CCDC178: variants seen among roughly 807,000 people sequenced by gnomAD.
CCDC178 encodes coiled-coil domain-containing protein 178.
CCDC178 carries 126 observed loss-of-function variants against 117.4 expected under a neutral mutation model. That is an observed-to-expected ratio of 1.07 (90% CI 0.93 to 1.24). The LOEUF is 1.24. CCDC178 is among the 50% of genes most tolerant of loss of function. The probability of loss-of-function intolerance (pLI) is 0.00; values close to 1 mark genes in which losing one functional copy is unlikely to be tolerated. For missense variants in CCDC178, 1,030 were observed against 986.9 expected (o/e 1.04, Z -0.59); for synonymous variants, 283 against 313.4 (o/e 0.90, Z 1.02).
chr18:33,174,996 C>A (rs188038785), intron 20 of CCDC178, among the ~76,000 whole-genome samples: 2,290 of 151,748 alleles, frequency 0.015, 32 homozygotes, highest in Admixed American at 0.038. Flanking sequence ...CTGGGAGTAC[C>A]GGTGCCTGCT....
intron 3 of CCDC178, among the ~76,000 whole-genome samples, chr18:33,399,849 T>G (rs1361103067): frequency 6.6e-6 from 1 of 152,200 alleles, no homozygotes; most frequent in Non-Finnish European, 1.5e-5. Context: ...GGTGTACACA[T>G]GTACACTTTC....
intron 11 of CCDC178, among the ~76,000 whole-genome samples, chr18:33,314,328 TA>T (rs945472772): frequency 1.3e-5 from 2 of 149,212 alleles, no homozygotes; most frequent in Non-Finnish European, 3.0e-5. Context: ...TCTCGGGATC[TA>T]AAAATTCAAT....
chr18:33,363,600 C>T (rs2063158698), intron 6 of CCDC178, among the ~76,000 whole-genome samples: 1 of 152,008 alleles, frequency 6.6e-6, no homozygotes, highest in Non-Finnish European at 1.5e-5. Context: ...TGTCTTCATT[C>T]TTCCCCTTTT....
chr18:32,998,724 T>C (rs1463322862), intron 21 of CCDC178, among the ~76,000 whole-genome samples: 1 of 152,122 alleles, frequency 6.6e-6, no homozygotes, highest in African/African-American at 2.4e-5. Context: ...AGACACAGCC[T>C]GGGCCAGAAA....
intron 11 of CCDC178, among the ~76,000 whole-genome samples, chr18:33,314,200 CAAAAAAA>C (rs869127341): frequency 3.5e-4 from 22 of 62,436 alleles, no homozygotes; most frequent in South Asian, 1.4e-3. Context: ...GACTCCGTCT[CAAAAAAA>C]AAAAAAAAAA....
intron 2 of CCDC178, among the ~76,000 whole-genome samples, chr18:33,422,967 G>C (rs1461298221): frequency 6.6e-6 from 1 of 152,050 alleles, no homozygotes; most frequent in Non-Finnish European, 1.5e-5. Context: ...TCTTATGCTA[G>C]CATCTCAGCA....
At position 33,416,427 on chromosome 18, in the gene CCDC178, G is replaced by GA. The variant is rs34095942; in HGVS notation, c.-22-4318dup. On this transcript the variant is annotated intron_variant, in intron 2 of 22. Transcript: ENST00000383096. ...GGGTGACAGAGCCAGACTCTGTCTC[G>GA]AAAAAAAAAAAAAGAAAAAAACTGC... Among the ~76,000 whole-genome samples, 317 of 141,352 alleles carry GA rather than the reference G, an allele frequency of 2.2e-3. 1 individual carries two copies. The highest frequency in any genetic ancestry group is 6.9e-3 in the African/African-American group (264 of 38,080). The allele number at this position is 141,352 out of a possible 152,430, so 92.7% of individuals were successfully genotyped here. A position where few individuals can be genotyped will look rare whatever the true frequency, so the allele number is the denominator to read the frequency against.
At chr18:33,054,527 T>A (rs987443552) in intron 21 of CCDC178, among the ~76,000 whole-genome samples, 2 of 152,148 alleles carry the variant, frequency 1.3e-5, no homozygotes, top group Non-Finnish European at 2.9e-5. Flanking sequence ...CAGTGTTTGG[T>A]TTTCTCTTCC....
chr18:33,120,746 A>G (rs1341250126), intron 20 of CCDC178, among the ~76,000 whole-genome samples: 1 of 152,154 alleles, frequency 6.6e-6, no homozygotes, highest in African/African-American at 2.4e-5. Context: ...ATGTTTATAC[A>G]TACAATAACC....
At chr18:33,252,706 A>C (rs533606581) in intron 14 of CCDC178, among the ~76,000 whole-genome samples, 18 of 151,840 alleles carry the variant, frequency 1.2e-4, no homozygotes, top group Non-Finnish European at 2.1e-4. Flanking sequence ...ATAAATCACC[A>C]CACTGTTACT....
intron 21 of CCDC178, among the ~76,000 whole-genome samples, chr18:33,000,543 A>G (rs936961900): frequency 7.9e-5 from 12 of 152,194 alleles, no homozygotes; most frequent in African/African-American, 2.2e-4. Context: ...GACATTTAAT[A>G]ATCAAACTTG....
intron 20 of CCDC178, among the ~76,000 whole-genome samples, chr18:33,176,701 T>C (rs2058668137): frequency 6.6e-6 from 1 of 152,206 alleles, no homozygotes; most frequent in Non-Finnish European, 1.5e-5. Flanking sequence ...TTTCAATTAC[T>C]ACAGTGTACT....
At chr18:33,250,162 T>C (rs936271214) in intron 14 of CCDC178, among the ~76,000 whole-genome samples, 2 of 151,762 alleles carry the variant, frequency 1.3e-5, no homozygotes, top group African/African-American at 4.8e-5. Flanking sequence ...ATGAGAAATG[T>C]CAACAAATAT....
At chr18:33,011,796 A>AAAAAAAAAAAAAG (rs2055875628) in intron 21 of CCDC178, among the ~76,000 whole-genome samples, 1 of 143,684 alleles carries the variant, frequency 7.0e-6, no homozygotes, top group Non-Finnish European at 1.5e-5. Flanking sequence ...AAAAAAAAAA[A>AAAAAAAAAAAAAG]AAAAAAAAAA....
chr18:33,102,806 G>C (rs1387766445), intron 20 of CCDC178, among the ~76,000 whole-genome samples: 7 of 151,686 alleles, frequency 4.6e-5, no homozygotes, highest in Non-Finnish European at 1.0e-4. Flanking sequence ...TCTAGATCAG[G>C]GATAAGCCAA....
chr18:33,075,520 G>A (rs182004004), intron 21 of CCDC178, among the ~76,000 whole-genome samples: 89 of 151,906 alleles, frequency 5.9e-4, no homozygotes, highest in African/African-American at 2.0e-3. Flanking sequence ...AACATTTTAT[G>A]TATCTATAAA....
intron 21 of CCDC178, among the ~76,000 whole-genome samples, chr18:32,999,508 TGTGCTTGCTCCAG>T (rs1212953016): frequency 6.6e-6 from 1 of 152,088 alleles, no homozygotes; most frequent in Non-Finnish European, 1.5e-5. Flanking sequence ...GCAGCCAGGT[TGTGCTTGCTCCAG>T]GTCTTAGGCA....
chr18:33,061,127 A>T (rs146337544), intron 21 of CCDC178, among the ~76,000 whole-genome samples: 1 of 152,224 alleles, frequency 6.6e-6, no homozygotes, highest in African/African-American at 2.4e-5. Context: ...TTAAAGATGT[A>T]GATATAATTT....
intron 2 of CCDC178, among the ~76,000 whole-genome samples, chr18:33,414,595 C>A (rs985638312): frequency 1.3e-5 from 2 of 152,174 alleles, no homozygotes; most frequent in African/African-American, 4.8e-5. Context: ...ACCATAAAAA[C>A]CCTAGAAGAA....
Sources: allele counts gnomAD v4.1 joint callset (sites outside exome capture counted in the v4.1 genomes callset), GRCh38; gene constraint gnomAD v4.1.1; transcripts MANE v1.5; gene names NCBI Gene and HGNC (gene_info 2026-07-23, HGNC 2026-07-21).